The following ATP2B3 variants were observed in gnomAD, a reference collection of about 807,000 sequenced individuals.
ATP2B3 encodes plasma membrane calcium-transporting ATPase 3.
ATP2B3 carries 12 observed loss-of-function variants against 70.8 expected under a neutral mutation model. The observed-to-expected ratio is 0.17, with a 90% CI of 0.11 to 0.27. The LOEUF is 0.27. ATP2B3 is among the 10% of genes least tolerant of loss of function. The pLI, the probability that ATP2B3 is intolerant of heterozygous loss-of-function variation, is 1.00. For missense variants in ATP2B3, 858 were observed against 1,118.5 expected, an observed-to-expected ratio of 0.77 and a Z score of 3.32; for synonymous variants, 460 against 497.8, an observed-to-expected ratio of 0.92 and a Z score of 1.01.
At chrX:153,552,631 T>C (rs782346572) in intron 12 of ATP2B3, among the ~76,000 whole-genome samples, 72 of 112,633 alleles carry the variant, frequency 6.4e-4, no homozygotes, top group Middle Eastern at 4.6e-3. Flanking sequence ...AGCCACATGC[T>C]CCTGCCTCCC....
At chrX:153,518,901 T>C (rs1265290251) in intron 2 of ATP2B3, among the ~76,000 whole-genome samples, 2 of 112,157 alleles carry the variant, frequency 1.8e-5, no homozygotes, top group African/African-American at 6.5e-5. Context: ...AGTCCCTGCC[T>C]GCTAAAGGAT....
chrX:153,537,109 G>A (rs917193200), intron 3 of ATP2B3, among the ~76,000 whole-genome samples: 16 of 113,127 alleles, frequency 1.4e-4, no homozygotes, highest in African/African-American at 4.5e-4. Flanking sequence ...GGTGAGCACT[G>A]TCTAGAAAGA....
chrX:153,525,744 A>T, intron 2 of ATP2B3, among the ~76,000 whole-genome samples: 1 of 112,470 alleles, frequency 8.9e-6, no homozygotes, highest in Non-Finnish European at 1.9e-5. Context: ...CGGGTAGGGC[A>T]CGTCTCCCAC....
At chrX:153,519,828 G>A (rs1219200932) in intron 2 of ATP2B3, among the ~76,000 whole-genome samples, 1 of 112,347 alleles carries the variant, frequency 8.9e-6, no homozygotes, top group Non-Finnish European at 1.9e-5. Flanking sequence ...GAAGTGGGGC[G>A]GGCGTGGGAG....
intron 8 of ATP2B3, 46 bp from the exon 9 acceptor site, chrX:153,547,789 C>T (rs1557009299): frequency 5.3e-6 from 6 of 1,125,980 alleles, no homozygotes; most frequent in South Asian, 4.7e-5. Context: ...AACGCCTTCT[C>T]CCCAGCCAGG....
At chrX:153,549,109 C>T (rs955533791) in intron 10 of ATP2B3, among the ~76,000 whole-genome samples, 22 of 105,709 alleles carry the variant, frequency 2.1e-4, no homozygotes, top group African/African-American at 7.0e-4. Context: ...GGCAGTAGGA[C>T]GGAGGGGCTG....
chrX:153,552,950 C>A, intron 12 of ATP2B3, 85 bp from the exon 13 acceptor site: 1 of 860,109 alleles, frequency 1.2e-6, no homozygotes, highest in Non-Finnish European at 1.7e-6. Context: ...CAGTCCTTGA[C>A]TAAGCCCCCA....
At chrX:153,569,105 G>A (rs2090751388) in intron 21 of ATP2B3, 5 of 294,543 alleles carry the variant, frequency 1.7e-5, no homozygotes, top group South Asian at 1.3e-4. Flanking sequence ...CTGAAGTTTC[G>A]AGGGGGCGCC....
intron 21 of ATP2B3, 102 bp from the exon 22 acceptor site, chrX:153,579,876 C>G: frequency 3.8e-5 from 28 of 728,700 alleles, no homozygotes; most frequent in Non-Finnish European, 5.3e-5. Context: ...TGACTGTCTC[C>G]TTCCTTCCTT....
intron 2 of ATP2B3, among the ~76,000 whole-genome samples, chrX:153,525,312 G>A (rs1268995511): frequency 2.7e-5 from 3 of 112,306 alleles, no homozygotes; most frequent in Non-Finnish European, 5.6e-5. Flanking sequence ...GTTCGAAACT[G>A]AACCTACATT....
intron 12 of ATP2B3, among the ~76,000 whole-genome samples, chrX:153,551,266 G>A (rs782242141): frequency 6.3e-4 from 71 of 112,038 alleles, no homozygotes; most frequent in Non-Finnish European, 1.1e-3. Flanking sequence ...CATCCTTGTG[G>A]GTGTGAGGCA....
chrX:153,559,852 G>A lies in ATP2B3; in HGVS notation c.2749G>A (p.Asp917Asn), dbSNP rs782817367. 7.6e-5 allele frequency: 92 copies of A among 1,212,076 alleles called. No homozygotes were observed. The highest frequency in any genetic ancestry group is 1.0e-4 in the Non-Finnish European group (91 of 895,571). ...SLLLRKPYGR[D>N]KPLISRTMMK... ...GCTGCTGCGGAAGCCGTACGGCCGCGACAAGCCCCTCATCTCCCGCACCAT... is the reference window on the plus strand; with the variant it reads ...GCTGCTGCGGAAGCCGTACGGCCGCAACAAGCCCCTCATCTCCCGCACCAT... The change falls in exon 18 of 22, where the codon GAC (aspartate) becomes AAC (asparagine). Residue 917 changes from aspartate to asparagine, a missense_variant. Physicochemically the swap from Asp to Asn is conservative, Grantham distance 23 (BLOSUM62 1). Coordinates refer to ENST00000263519, the MANE Select transcript of ATP2B3 (RefSeq NM_001001344.3).
chrX:153,542,940 G>T, intron 6 of ATP2B3, 103 bp from the exon 7 acceptor site: 3 of 1,060,701 alleles, frequency 2.8e-6, no homozygotes, highest in Non-Finnish European at 3.8e-6. Context: ...TGGACACCGC[G>T]TCCCTGCTTC....
At chrX:153,542,937 C>G (rs2090309362) in intron 6 of ATP2B3, 106 bp from the exon 7 acceptor site, 1 of 1,049,014 alleles carries the variant, frequency 9.5e-7, no homozygotes, top group Admixed American at 2.7e-5. Context: ...AGGTGGACAC[C>G]GCGTCCCTGC....
Position 153,556,057 on chromosome X carries a change from A to G in ATP2B3, c.2067A>G (p.Glu689=). 1.6e-6 allele frequency: 2 copies of G among 1,212,152 alleles called. No homozygotes were observed. Among genetic ancestry groups the G allele is most frequent in the Non-Finnish European group, 2.2e-6 (2 of 895,562 alleles). The change falls in exon 14 of 22, where the codon GAA becomes GAG. Residue 689 remains glutamate (E), a synonymous_variant. Coordinates refer to ENST00000263519, the MANE Select transcript of ATP2B3 (RefSeq NM_001001344.3). ...IEDPVRPEVP[E]AIRKCQRAGI... ...TCTCTTGTCTCTTCTAGGTCCCTGA[A>G]GCTATCCGAAAATGCCAGCGTGCTG...
chrX:153,563,284 G>A (rs782654996), intron 20 of ATP2B3, among the ~76,000 whole-genome samples: 8 of 109,097 alleles, frequency 7.3e-5, no homozygotes, highest in Non-Finnish European at 1.3e-4. Flanking sequence ...TGGGACCACA[G>A]GCACATGCCA....
At chrX:153,570,196 G>A (rs1362949986) in intron 21 of ATP2B3, among the ~76,000 whole-genome samples, 3 of 112,267 alleles carry the variant, frequency 2.7e-5, no homozygotes, top group Admixed American at 1.9e-4. Flanking sequence ...GAGGGGTGGC[G>A]GGTGCCTTTC....
intron 9 of ATP2B3, 150 bp downstream of exon 9, chrX:153,548,149 C>T (rs1380383579): frequency 1.5e-5 from 12 of 791,520 alleles, no homozygotes; most frequent in South Asian, 1.0e-4. Context: ...CAGGCCAGGC[C>T]GGCAGTGGCC....
At chrX:153,553,323 C>A in intron 13 of ATP2B3, 54 bp downstream of exon 13, 1 of 1,065,700 alleles carries the variant, frequency 9.4e-7, no homozygotes, top group Non-Finnish European at 1.3e-6. Flanking sequence ...TCTGCCCGAG[C>A]TTGTCCGGAC....
Sources: allele counts gnomAD v4.1 joint callset (sites outside exome capture counted in the v4.1 genomes callset), GRCh38; gene constraint gnomAD v4.1.1; transcripts MANE v1.5; gene names NCBI Gene and HGNC (gene_info 2026-07-23, HGNC 2026-07-21).